MYOCD: variants seen among roughly 807,000 people sequenced by gnomAD.
The protein encoded by MYOCD is myocardin.
Under a neutral mutation model 96.1 loss-of-function variants are expected in MYOCD, and 32 were observed. That is an observed-to-expected ratio of 0.33 (90% confidence interval 0.25 to 0.45). The LOEUF is 0.45. Among genes scored for constraint, MYOCD ranks in the 20% least tolerant of loss-of-function variants. The pLI is 1.00. For missense variants in MYOCD, 1,133 were observed against 1,200.6 expected (o/e 0.94, Z 0.83); for synonymous variants, 469 against 469.0 (o/e 1.00, Z 0.00).
rs145044197 is a variant in MYOCD, at chr17:12,717,467, G to A, written c.253+46G>A. ...ACACCAAGAGATGCTGCAGAATGGTGGGCCATTTTCCCAGAGTTACTTGTC... is the reference window on the plus strand; with the variant it reads ...ACACCAAGAGATGCTGCAGAATGGTAGGCCATTTTCCCAGAGTTACTTGTC... On this transcript the variant is annotated intron_variant, in intron 4 of 13. Coordinates refer to ENST00000425538, the MANE Select transcript of MYOCD (RefSeq NM_001146312.3). 2.6e-4 allele frequency: 388 copies of A among 1,488,614 alleles called. 2 individuals carry two copies. The African/African-American group carries it at 4.9e-3, about 19-fold the overall frequency. 92.2% of individuals were successfully genotyped at this position (1,488,614 alleles called of 1,614,324 possible).
At chr17:12,692,865 C>T (rs910237259) in intron 1 of MYOCD, among the ~76,000 whole-genome samples, 1 of 152,120 alleles carries the variant, frequency 6.6e-6, no homozygotes, top group African/African-American at 2.4e-5. Flanking sequence ...TAGCAATAAC[C>T]TTAATATTAA....
chr17:12,709,022 G>T (rs1302808157), intron 2 of MYOCD, among the ~76,000 whole-genome samples: 2 of 152,200 alleles, frequency 1.3e-5, no homozygotes, highest in African/African-American at 4.8e-5. Context: ...AATGGCTTCA[G>T]ATTCTACATC....
intron 2 of MYOCD, 51 bp downstream of exon 2, chr17:12,705,244 G>C: frequency 7.2e-7 from 1 of 1,394,194 alleles, no homozygotes; most frequent in African/African-American, 1.4e-5. Context: ...CACACCATTT[G>C]GGAGCTGGAA....
intron 12 of MYOCD, among the ~76,000 whole-genome samples, chr17:12,759,808 T>G (rs1213408409): frequency 6.6e-6 from 1 of 152,206 alleles, no homozygotes; most frequent in Non-Finnish European, 1.5e-5. Context: ...AAGAGGTAGA[T>G]TCAGGTCACT....
At position 12,752,784 on chromosome 17, in the gene MYOCD, G is replaced by A. The variant is rs1452007386; in HGVS notation, c.1496G>A (p.Ser499Asn). 4 of 1,614,138 alleles carry A rather than the reference G, an allele frequency of 2.5e-6. No homozygotes were observed. Among genetic ancestry groups the A allele is most frequent in the Non-Finnish European group, 3.4e-6 (4 of 1,180,034 alleles). The change falls in exon 10 of 14, where the codon AGC (serine) becomes AAC (asparagine). Residue 499 changes from serine (S) to asparagine (N), a missense_variant. Physicochemically the swap from Ser to Asn is conservative, Grantham distance 46. Transcript: ENST00000425538. Reference sequence around the variant, plus strand: ...GTGTGCACGGAGGAAAGTCTCATGAGCAGCCTGAATGGGGGCTCTGTTCCT... The same window carrying A: ...GTGTGCACGGAGGAAAGTCTCATGAACAGCCTGAATGGGGGCTCTGTTCCT... ...VHVCTEESLM[S>N]SLNGGSVPSE...
chr17:12,705,194 G>A lies in MYOCD; in HGVS notation c.121+1G>A, dbSNP rs762457891. ...CTGGCTAACCAAGGCATAATACCAC[G>A]TGAGTACCTGCATCTCTTAATTACT... On this transcript the variant is annotated splice_donor_variant, in intron 2 of 13. Coordinates refer to ENST00000425538, the MANE Select transcript of MYOCD (RefSeq NM_001146312.3). LOFTEE classifies it high-confidence loss of function. The A allele has an allele frequency of 2.7e-5, 43 of 1,607,708 alleles. No homozygotes were observed. The highest frequency in any genetic ancestry group is 3.6e-5 in the Non-Finnish European group (42 of 1,174,432).
chr17:12,741,739 G>C (rs1395391761), intron 7 of MYOCD, among the ~76,000 whole-genome samples: 1 of 151,468 alleles, frequency 6.6e-6, no homozygotes, highest in East Asian at 1.9e-4. Context: ...AATTAGCAAA[G>C]CCTTCAACCT....
intron 4 of MYOCD, 135 bp from the exon 5 acceptor site, chr17:12,722,712 G>A: frequency 1.5e-6 from 1 of 681,414 alleles, no homozygotes; most frequent in South Asian, 2.2e-5. Flanking sequence ...AAGTGATGAT[G>A]ATTGCATCGA....
At chr17:12,737,161 A>T (rs1043841100) in intron 6 of MYOCD, among the ~76,000 whole-genome samples, 1 of 152,166 alleles carries the variant, frequency 6.6e-6, no homozygotes, top group African/African-American at 2.4e-5. Context: ...AGGCTGAGGC[A>T]GGAGAATCAC....
chr17:12,705,227 A>C (rs766519875), intron 2 of MYOCD, 34 bp downstream of exon 2: 6 of 1,493,160 alleles, frequency 4.0e-6, no homozygotes, highest in East Asian at 2.3e-5. Flanking sequence ...ACTGATATAC[A>C]TAGGGCCACA....
chr17:12,705,431 TG>T (rs1283229064), intron 2 of MYOCD: 2 of 412,716 alleles, frequency 4.8e-6, no homozygotes, highest in Non-Finnish European at 8.6e-6. Context: ...GTAGTGGATT[TG>T]TTCTCAGGGT....
chr17:12,669,994 G>A (rs1439695880), intron 1 of MYOCD, among the ~76,000 whole-genome samples: 2 of 152,148 alleles, frequency 1.3e-5, no homozygotes, highest in African/African-American at 4.8e-5. Context: ...CAGATGGGGT[G>A]GGGGTACCAT....
intron 1 of MYOCD, among the ~76,000 whole-genome samples, chr17:12,695,241 G>A (rs1308505065): frequency 6.6e-6 from 1 of 152,100 alleles, no homozygotes; most frequent in Non-Finnish European, 1.5e-5. Flanking sequence ...TCTGATGAGG[G>A]CCCCTTTCCT....
chr17:12,711,174 C>A (rs2031470728), intron 2 of MYOCD, among the ~76,000 whole-genome samples: 1 of 152,100 alleles, frequency 6.6e-6, no homozygotes, highest in Non-Finnish European at 1.5e-5. Context: ...ATCTCCAAAG[C>A]ATTATCATTA....
chr17:12,741,317 C>T (rs2150708271), intron 7 of MYOCD, among the ~76,000 whole-genome samples: 1 of 152,230 alleles, frequency 6.6e-6, no homozygotes, highest in Middle Eastern at 3.4e-3. Flanking sequence ...TTGTTCATTG[C>T]AGGGGAAGGA....
In MYOCD at chr17:12,758,162, A is replaced by C. The variant is rs750824622; in HGVS notation, c.2280A>C (p.Ser760=). 8 of 1,614,108 alleles carry C rather than the reference A, an allele frequency of 5.0e-6. No individual in the cohort carries two copies. Among genetic ancestry groups the C allele is most frequent in the Non-Finnish European group, 6.8e-6 (8 of 1,180,040 alleles). ...CCCCAACTTTTTCTAAGTCAAGTTC[A>C]GCAATTTCAGAGGTAACACAGCCTC... ...IPSPTFSKSS[S]AISEVTQPPS... The change falls in exon 12 of 14, where the codon TCA becomes TCC. Residue 760 remains serine, a synonymous_variant. Coordinates refer to ENST00000425538, the MANE Select transcript of MYOCD (RefSeq NM_001146312.3).
rs535592313 is a variant in MYOCD at position 12,742,789 on chromosome 17, C to T, written c.718-1394C>T. Among the ~76,000 whole-genome samples, 3 of 152,190 alleles carry T rather than the reference C, an allele frequency of 2.0e-5. No individual in the cohort carries two copies. The East Asian group carries it at 5.8e-4, about 29-fold the overall frequency. The stretch of plus-strand genomic sequence containing the variant: ...GTTTCACCATGTTGGCCAGGCTGGT[C>T]TCGAACTCCTGACCTCAAGTGATGC... On this transcript the variant is annotated intron_variant, in intron 7 of 13. Coordinates refer to ENST00000425538, the MANE Select transcript of MYOCD (RefSeq NM_001146312.3).
chr17:12,715,552 G>T lies in MYOCD; in HGVS notation c.155G>T (p.Arg52Ile), dbSNP rs2031613593. 2.5e-6 allele frequency: 4 copies of T among 1,613,616 alleles called. No homozygotes were observed. The highest frequency in any genetic ancestry group is 1.3e-5 in the African/African-American group (1 of 74,912). ...CGTCCAGCTGAATTCCATGAGCAAAGAAAACATTTGGATAGTGACAAGGTA... is the reference window on the plus strand; with the variant it reads ...CGTCCAGCTGAATTCCATGAGCAAATAAAACATTTGGATAGTGACAAGGTA... ...LKRPAEFHEQ[R>I]KHLDSDKAKN... Residue 52 changes from arginine (R) to isoleucine (I), a missense_variant, in exon 3 of 14, where the codon AGA becomes ATA. Arg to Ile is a moderately conservative substitution (Grantham distance 97). Coordinates refer to ENST00000425538, the MANE Select transcript of MYOCD (RefSeq NM_001146312.3).
At position 12,765,970 on chromosome 17, in the gene MYOCD, C is replaced by T. The variant is rs2033327995; in HGVS notation, c.*2326C>T. The stretch of plus-strand genomic sequence containing the variant: ...TTTATTTTGCTTTTATGTCAGTCAT[C>T]AGAACCAAAAAAATCCAGAAGAAAA... On this transcript the variant is annotated 3_prime_UTR_variant, in exon 14 of 14. Transcript: ENST00000425538. 1 of 152,112 alleles carries T rather than the reference C, an allele frequency of 6.6e-6. No individual in the cohort carries two copies. The highest frequency in any genetic ancestry group is 6.5e-5 in the Admixed American group (1 of 15,274). The allele number at this position is 152,112 out of a possible 1,614,324, so 9.4% of individuals were successfully genotyped here.
Sources: allele counts gnomAD v4.1 joint callset (sites outside exome capture counted in the v4.1 genomes callset), GRCh38; gene constraint gnomAD v4.1.1; transcripts MANE v1.5; gene names NCBI Gene and HGNC (gene_info 2026-07-23, HGNC 2026-07-21).